The following TTF2 variants were observed in gnomAD, a reference collection of about 807,000 sequenced individuals.
TTF2 encodes transcription termination factor 2.
Under a neutral mutation model 142.4 loss-of-function variants are expected in TTF2, and 108 were observed. The observed-to-expected ratio is 0.76, with a 90% confidence interval of 0.65 to 0.89. TTF2 has a LOEUF of 0.89. Among genes scored for constraint, TTF2 ranks in the 40% least tolerant of loss-of-function variants. The pLI, the probability that TTF2 is intolerant of heterozygous loss-of-function variation, is 0.00. For missense variants in TTF2, 1,327 were observed against 1,379.8 expected (o/e 0.96, Z 0.61); for synonymous variants, 483 against 506.2 (o/e 0.95, Z 0.61).
chr1:117,092,764 C>G lies in TTF2; in HGVS notation c.2839C>G (p.Leu947Val), dbSNP rs888396411. Reference sequence around the variant, plus strand: ...TCCAATGGAACTGAAGGGTGAAGGTCTTGTCCTTTCCCTGGAAGAACAGCT... The same window carrying G: ...TCCAATGGAACTGAAGGGTGAAGGTGTTGTCCTTTCCCTGGAAGAACAGCT... ...LDPMELKGEG[L>V]VLSLEEQLSA... Residue 947 changes from leucine (L) to valine (V), a missense_variant, in exon 18 of 23, where the codon CTT becomes GTT. By Grantham distance (32) the Leu-to-Val change is conservative (BLOSUM62 1). Transcript: ENST00000369466. This position sits in a 1 kb window ranked among gnomAD's most constrained non-coding sequence, Gnocchi z 4.4. The G allele has an allele frequency of 4.3e-6, 7 of 1,614,050 alleles. No individual in the cohort carries two copies. The highest frequency in any genetic ancestry group is 5.9e-6 in the Non-Finnish European group (7 of 1,180,036).
rs779504441 is a variant in TTF2 at position 117,101,563 on chromosome 1, G to T, written c.*39G>T. On this transcript the variant is annotated 3_prime_UTR_variant, in exon 23 of 23. Transcript: ENST00000369466. This position sits in a 1 kb window ranked among gnomAD's most constrained non-coding sequence, Gnocchi z 5.9. ...AGGGCTCAGAATAGCACCATTGCTGGTTTGTATTAGGATCTGGGAATAACA... is the reference window on the plus strand; with the variant it reads ...AGGGCTCAGAATAGCACCATTGCTGTTTTGTATTAGGATCTGGGAATAACA... The T allele has an allele frequency of 6.6e-7, 1 of 1,524,710 alleles. No homozygotes were observed. The allele number at this position is 1,524,710 out of a possible 1,614,324, so 94.4% of individuals were successfully genotyped here. A position where few individuals can be genotyped will look rare whatever the true frequency, so the allele number is the denominator to read the frequency against.
At position 117,096,310 on chromosome 1, in the gene TTF2, G is replaced by GTC; in HGVS notation, c.3186+12_3186+13dup. ...TCCAGAGGCCCTCAGGTACAAGCTGGTCACATCAGAGCCGCATAATTAACT... is the reference window on the plus strand; with the variant it reads ...TCCAGAGGCCCTCAGGTACAAGCTGGTCTCACATCAGAGCCGCATAATTAACT... On this transcript the variant is annotated intron_variant, in intron 20 of 22. Transcript: ENST00000369466. 1 of 1,613,876 alleles carries GTC rather than the reference G, an allele frequency of 6.2e-7. No homozygotes were observed. The highest frequency in any genetic ancestry group is 8.5e-7 in the Non-Finnish European group (1 of 1,179,896).
At chr1:117,084,199 G>A (rs377469683) in intron 11 of TTF2, 31 bp downstream of exon 11, 16 of 1,612,068 alleles carry the variant, frequency 9.9e-6, no homozygotes, top group African/African-American at 2.7e-5. Context: ...TTGTGGGGGC[G>A]TTCAGCACCT....
At position 117,073,348 on chromosome 1, in the gene TTF2, C is replaced by T. The variant is rs1368526288; in HGVS notation, c.219-313C>T. 6.6e-6 allele frequency among the ~76,000 whole-genome samples: 1 copy of T among 152,128 alleles called. No individual in the cohort carries two copies. The highest frequency in any genetic ancestry group is 1.5e-5 in the Non-Finnish European group (1 of 68,040). On this transcript the variant is annotated intron_variant, in intron 3 of 22. Transcript: ENST00000369466. The surrounding 1 kb of genome is among the most constrained non-coding windows in gnomAD (Gnocchi z 4.4). ...AGGGACACACAGTGTCTGGCTGTCT[C>T]TCATTTCTCTGATTTTAGTAGCCAT... is the stretch of plus-strand genomic sequence containing the variant.
intron 16 of TTF2, 104 bp from the exon 17 acceptor site, chr1:117,091,713 C>G (rs1648591549): frequency 2.1e-5 from 29 of 1,411,404 alleles, no homozygotes; most frequent in Non-Finnish European, 2.7e-5. Context: ...ATTATTGAGT[C>G]TGAGATCAAA....
chr1:117,091,350 A>G lies in TTF2; in HGVS notation c.2611A>G (p.Lys871Glu). 6.2e-7 allele frequency: 1 copy of G among 1,613,332 alleles called. No individual in the cohort carries two copies. The highest frequency in any genetic ancestry group is 2.2e-5 in the East Asian group (1 of 44,826). Reference sequence around the variant, plus strand: ...CAGGTCAGCTCTGCAATCCTATCTAAAAAGACATGAAAGTAGAGGCAACCA... The same window carrying G: ...CAGGTCAGCTCTGCAATCCTATCTAGAAAGACATGAAAGTAGAGGCAACCA... ...RSRSALQSYLKRHESRGNQSG... is the reference protein window; with the variant it reads ...RSRSALQSYLERHESRGNQSG... The change falls in exon 16 of 23, where the codon AAA becomes GAA. Residue 871 changes from lysine to glutamate, a missense_variant. By Grantham distance (56) the Lys-to-Glu change is moderately conservative (BLOSUM62 1). Coordinates refer to ENST00000369466, the MANE Select transcript of TTF2 (RefSeq NM_003594.4).
rs1176553867 is a variant in TTF2, at chr1:117,099,817, T to G, written c.3344+910T>G. Among the ~76,000 whole-genome samples the G allele has an allele frequency of 2.0e-5, 3 of 152,218 alleles. No individual in the cohort carries two copies. The highest frequency in any genetic ancestry group is 7.2e-5 in the African/African-American group (3 of 41,448). On this transcript the variant is annotated intron_variant, in intron 22 of 22. Coordinates refer to ENST00000369466, the MANE Select transcript of TTF2 (RefSeq NM_003594.4). This position sits in a 1 kb window ranked among gnomAD's most constrained non-coding sequence, Gnocchi z 4.3. ...CTGGCTTTTACTCCTGTTGCTGCAC[T>G]GAAATTGCTCTTGTTAAGGGGCACC...
Position 117,076,467 on chromosome 1 carries a change from C to T in TTF2, c.1390+173C>T. 1.1e-6 allele frequency: 1 copy of T among 933,774 alleles called. No homozygotes were observed. Among genetic ancestry groups the T allele is most frequent in the Non-Finnish European group, 1.6e-6 (1 of 629,216 alleles). The allele number at this position is 933,774 out of a possible 1,614,324, so 57.8% of individuals were successfully genotyped here. On this transcript the variant is annotated intron_variant, in intron 6 of 22. Coordinates refer to ENST00000369466, the MANE Select transcript of TTF2 (RefSeq NM_003594.4). The surrounding 1 kb of genome is among the most constrained non-coding windows in gnomAD (Gnocchi z 4.6). ...TTCATAAAAAACTTTCTCCTGTTTC[C>T]TGTGGACTCTACTTTCTTCCCCATT...
intron 10 of TTF2, among the ~76,000 whole-genome samples, chr1:117,082,460 GC>G (rs936106026): frequency 2.0e-5 from 3 of 152,098 alleles, no homozygotes; most frequent in African/African-American, 7.2e-5. Context: ...CAATCATCCT[GC>G]CTCAGCCTTC....
Position 117,076,761 on chromosome 1 carries a change from G to T in TTF2, c.1511G>T (p.Gly504Val). ...PLPRRGTQPVGSLELKSACQV... is the reference protein window; with the variant it reads ...PLPRRGTQPVVSLELKSACQV... ...CCTCGTCGTGGTACCCAACCTGTGGGTTCTCTAGAACTAAAGTCTGCCTGC... is the reference window on the plus strand; with the variant it reads ...CCTCGTCGTGGTACCCAACCTGTGGTTTCTCTAGAACTAAAGTCTGCCTGC... Residue 504 changes from glycine (G) to valine (V), a missense_variant, in exon 7 of 23, where the codon GGT becomes GTT. Physicochemically the swap from Gly to Val is moderately radical, Grantham distance 109. Coordinates refer to ENST00000369466, the MANE Select transcript of TTF2 (RefSeq NM_003594.4). This position sits in a 1 kb window ranked among gnomAD's most constrained non-coding sequence, Gnocchi z 4.6. 10 of 1,614,138 alleles carry T rather than the reference G, an allele frequency of 6.2e-6. No homozygotes were observed. Among genetic ancestry groups the T allele is most frequent in the Non-Finnish European group, 8.5e-6 (10 of 1,180,018 alleles).
rs760088086 is a variant in TTF2 at position 117,075,232 on chromosome 1, T to G, written c.648T>G (p.Phe216Leu). 16 of 1,614,170 alleles carry G rather than the reference T, an allele frequency of 9.9e-6. 1 individual carries two copies. The South Asian group carries it at 1.4e-4, about 14-fold the overall frequency. Residue 216 changes from phenylalanine (F) to leucine (L), a missense_variant, in exon 5 of 23, where the codon TTT becomes TTG. Phe to Leu is a conservative substitution (Grantham distance 22). Transcript: ENST00000369466. The surrounding 1 kb of genome is among the most constrained non-coding windows in gnomAD (Gnocchi z 4.5). Reference protein sequence around the residue: ...AETGGTHKRDFSEIKSQQCQG... With the variant: ...AETGGTHKRDLSEIKSQQCQG... Reference sequence around the variant, plus strand: ...CTGGAGGCACACACAAAAGAGACTTTTCTGAAATTAAATCTCAACAGTGCC... The same window carrying G: ...CTGGAGGCACACACAAAAGAGACTTGTCTGAAATTAAATCTCAACAGTGCC...
chr1:117,082,068 A>G (rs1356757894), intron 10 of TTF2, 121 bp downstream of exon 10: 2 of 1,392,016 alleles, frequency 1.4e-6, no homozygotes, highest in African/African-American at 2.8e-5. Flanking sequence ...CTGGAAAACC[A>G]GTATTAGATT....
In TTF2 at chr1:117,101,350, G is replaced by A; in HGVS notation, c.3345-30G>A. The A allele has an allele frequency of 6.4e-7, 1 of 1,557,774 alleles. No individual in the cohort carries two copies. Among genetic ancestry groups the A allele is most frequent in the Non-Finnish European group, 8.6e-7 (1 of 1,162,026 alleles). On this transcript the variant is annotated intron_variant, in intron 22 of 22. Transcript: ENST00000369466. This position sits in a 1 kb window ranked among gnomAD's most constrained non-coding sequence, Gnocchi z 5.9. ...GATGTGCTGCTTAGGGTTTTTGATA[G>A]TTTGCTTATTTTTTGTTTTTGTTTT...
rs754156950 is a variant in TTF2 at position 117,092,788 on chromosome 1, C to T, written c.2863C>T (p.Leu955Phe). 6.2e-7 allele frequency: 1 copy of T among 1,614,214 alleles called. No individual in the cohort carries two copies. Among genetic ancestry groups the T allele is most frequent in the Non-Finnish European group, 8.5e-7 (1 of 1,180,036 alleles). The change falls in exon 18 of 23, where the codon CTC (leucine) becomes TTC (phenylalanine). Residue 955 changes from leucine to phenylalanine, a missense_variant. Coordinates refer to ENST00000369466, the MANE Select transcript of TTF2 (RefSeq NM_003594.4). This position sits in a 1 kb window ranked among gnomAD's most constrained non-coding sequence, Gnocchi z 4.4. ...TCTTGTCCTTTCCCTGGAAGAACAG[C>T]TCAGTGCTTTGACCTTGTCAGAACT... ...EGLVLSLEEQ[L>F]SALTLSELRD...
Position 117,074,905 on chromosome 1 carries a change from GTCTC to G in TTF2, c.322_325del (p.Gln109MetfsTer13). 1 of 1,608,334 alleles carries G rather than the reference GTCTC, an allele frequency of 6.2e-7. No homozygotes were observed. Among genetic ancestry groups the G allele is most frequent in the African/African-American group, 1.3e-5 (1 of 74,272 alleles). ...CCAAAGAACATTCTGTATCCAATAA[GTCTC>G]AGCATGCATCTGAGACATTTCATCA... is the stretch of plus-strand genomic sequence containing the variant. On this transcript the variant is annotated frameshift_variant, in exon 5 of 23. Coordinates refer to ENST00000369466, the MANE Select transcript of TTF2 (RefSeq NM_003594.4). LOFTEE classifies it high-confidence loss of function.
chr1:117,101,595 C>A lies in TTF2; in HGVS notation c.*71C>A. 7.0e-7 allele frequency: 1 copy of A among 1,431,614 alleles called. No homozygotes were observed. Among genetic ancestry groups the A allele is most frequent in the Non-Finnish European group, 9.2e-7 (1 of 1,085,988 alleles). 88.7% of individuals were successfully genotyped at this position (1,431,614 alleles called of 1,614,324 possible). ...TTAGGATCTGGGAATAACAACCTAA[C>A]CATGAGCCTTGAACTCTGTTCTTTG... is the stretch of plus-strand genomic sequence containing the variant. On this transcript the variant is annotated 3_prime_UTR_variant, in exon 23 of 23. Transcript: ENST00000369466. The surrounding 1 kb of genome is among the most constrained non-coding windows in gnomAD (Gnocchi z 5.9).
intron 10 of TTF2, among the ~76,000 whole-genome samples, chr1:117,082,265 G>GT (rs1647588525): frequency 6.6e-6 from 1 of 152,152 alleles, no homozygotes; most frequent in African/African-American, 2.4e-5. Flanking sequence ...TCAGGCTGGA[G>GT]TGCAGTGCAT....
chr1:117,075,793 G>C lies in TTF2; in HGVS notation c.1209G>C (p.Lys403Asn). 6.2e-7 allele frequency: 1 copy of C among 1,614,210 alleles called. No individual in the cohort carries two copies. The highest frequency in any genetic ancestry group is 2.2e-5 in the East Asian group (1 of 44,890). ...RKVSPASGVSKKVEPSDPVAR... is the reference protein window; with the variant it reads ...RKVSPASGVSNKVEPSDPVAR... ...TGTCTCCTGCCTCAGGTGTTTCCAA[G>C]AAGGTAGAACCCTCAGACCCAGTAG... is the stretch of plus-strand genomic sequence containing the variant. The change falls in exon 5 of 23, where the codon AAG (lysine) becomes AAC (asparagine). Residue 403 changes from lysine (K) to asparagine (N), a missense_variant. Lys to Asn is a moderately conservative substitution (Grantham distance 94). Transcript: ENST00000369466. This position sits in a 1 kb window ranked among gnomAD's most constrained non-coding sequence, Gnocchi z 4.5.
At position 117,094,704 on chromosome 1, in the gene TTF2, G is replaced by A. The variant is rs576504987; in HGVS notation, c.2977-605G>A. The A allele has an allele frequency of 7.8e-5, 36 of 460,984 alleles. 1 individual carries two copies. The highest frequency in any genetic ancestry group is 6.5e-4 in the East Asian group (10 of 15,372). 28.6% of individuals were successfully genotyped at this position (460,984 alleles called of 1,614,324 possible). On this transcript the variant is annotated intron_variant, in intron 18 of 22. Coordinates refer to ENST00000369466, the MANE Select transcript of TTF2 (RefSeq NM_003594.4). Reference sequence around the variant, plus strand: ...TACTCACAGCCCCTCACACATGGCCGAAACAGAGAAGTTACTTTCCTAATA... The same window carrying A: ...TACTCACAGCCCCTCACACATGGCCAAAACAGAGAAGTTACTTTCCTAATA...
Sources: gnomAD v4.1 joint callset for allele counts (sites outside exome capture counted in the v4.1 genomes callset) on GRCh38, gnomAD v4.1.1 for gene constraint, Gnocchi (gnomAD v3.1) non-coding constraint, MANE v1.5 for transcripts, NCBI Gene and HGNC (gene_info 2026-07-23, HGNC 2026-07-21) for gene names.